The following PKD1L1 variants were observed in gnomAD, a reference collection of about 807,000 sequenced individuals.
PKD1L1 encodes the protein polycystin-1-like protein 1.
A neutral mutation model predicts 323.4 loss-of-function variants in PKD1L1; 236 were observed. That is an observed-to-expected ratio of 0.73 (90% CI 0.66 to 0.81). PKD1L1 has a LOEUF of 0.81. Among genes scored for constraint, PKD1L1 ranks in the 40% least tolerant of loss-of-function variants. The pLI is 0.00. For missense variants in PKD1L1, 3,320 were observed against 3,508.0 expected (o/e 0.95, Z 1.35); for synonymous variants, 1,344 against 1,335.0 (o/e 1.01, Z -0.15).
chr7:47,879,974 C>G (rs1002163494), intron 21 of PKD1L1, among the ~76,000 whole-genome samples: 1 of 150,844 alleles, frequency 6.6e-6, no homozygotes, highest in African/African-American at 2.4e-5. Flanking sequence ...GCCCACTGTG[C>G]TTGTCATATG....
intron 56 of PKD1L1, among the ~76,000 whole-genome samples, chr7:47,777,105 C>T (rs888125900): frequency 5.3e-5 from 8 of 152,086 alleles, no homozygotes; most frequent in Non-Finnish European, 8.8e-5. Flanking sequence ...TTGGCCAGGC[C>T]GGCCTGGAAA....
intron 26 of PKD1L1, among the ~76,000 whole-genome samples, chr7:47,859,393 C>A (rs1284311679): frequency 6.6e-6 from 1 of 152,138 alleles, no homozygotes; most frequent in Non-Finnish European, 1.5e-5. Context: ...GATTCCTCTA[C>A]CTGCAGTACC....
intron 21 of PKD1L1, among the ~76,000 whole-genome samples, chr7:47,880,288 T>TTTTTTTTTTTTTTC (rs1786521691): frequency 1.0e-5 from 1 of 95,336 alleles, no homozygotes; most frequent in Non-Finnish European, 2.0e-5. Context: ...ATATATATTT[T>TTTTTTTTTTTTTTC]TTTTTTTTTT....
At chr7:47,808,419 G>A (rs535230721) in intron 51 of PKD1L1, 32 bp from the exon 52 acceptor site, 3 of 1,612,158 alleles carry the variant, frequency 1.9e-6, no homozygotes, top group East Asian at 4.5e-5. Flanking sequence ...CCCTCAGATG[G>A]CTCCTGAGGA....
rs182219270 is a variant in PKD1L1, at chr7:47,830,736, T to A, written c.6473+481A>T. On this transcript the variant is annotated intron_variant, in intron 42 of 56. Transcript: ENST00000289672. ...AACCACACTGAGTGACCCTGGGGTC[T>A]CCGATGGCGAGTCCAAGCTGTACAG... 2.1e-4 allele frequency among the ~76,000 whole-genome samples: 32 copies of A among 152,290 alleles called. No homozygotes were observed. In the East Asian group the frequency reaches 6.0e-3, roughly 29 times the overall value.
At chr7:47,792,867 A>G (rs1403478704) in intron 55 of PKD1L1, 70 bp from the exon 56 acceptor site, 41 of 1,410,632 alleles carry the variant, frequency 2.9e-5, no homozygotes, top group Non-Finnish European at 3.8e-5. Flanking sequence ...TCATTATGTG[A>G]AGCATTTAGG....
rs112909560 is a variant in PKD1L1, at chr7:47,877,451, G to A, written c.3663+38C>T. 1.6e-3 allele frequency: 2,573 copies of A among 1,608,268 alleles called. 1 individual carries two copies. The highest frequency in any genetic ancestry group is 3.6e-3 in the African/African-American group (267 of 74,884). On this transcript the variant is annotated intron_variant, in intron 22 of 56. Coordinates refer to ENST00000289672, the MANE Select transcript of PKD1L1 (RefSeq NM_138295.5). The stretch of plus-strand genomic sequence containing the variant: ...GCTGTGACTGCCAGATGCCACTGTC[G>A]GGGGTCTCTCAGGACAGACATGGGG...
chr7:47,897,875 T>C, intron 14 of PKD1L1, 113 bp downstream of exon 14: 1 of 805,408 alleles, frequency 1.2e-6, no homozygotes, highest in East Asian at 2.8e-5. Flanking sequence ...TTAAACAACC[T>C]CCCTTTTCCT....
At position 47,808,332 on chromosome 7, in the gene PKD1L1, G is replaced by C. The variant is rs1483488142; in HGVS notation, c.7742C>G (p.Thr2581Ser). The C allele has an allele frequency of 6.2e-7, 1 of 1,614,158 alleles. No homozygotes were observed. Among genetic ancestry groups the C allele is most frequent in the South Asian group, 1.1e-5 (1 of 91,076 alleles). Residue 2581 changes from threonine to serine, a missense_variant, in exon 52 of 57, where the codon ACT (threonine) becomes AGT (serine). Transcript: ENST00000289672. ...CTGGTTAGTGACATCTCCAGCAAGA[G>C]TAACAAGGTGGCCGGAAACTGCATA... ...TYYAVSGHLV[T>S]LAGDVTNQFH...
chr7:47,947,231 G>C (rs2708873), intron 1 of PKD1L1, among the ~76,000 whole-genome samples: 70,584 of 152,118 alleles, frequency 0.46, 17,110 homozygotes, highest in Non-Finnish European at 0.52. Context: ...GGGTTTCTTT[G>C]ATAAAATGAT....
chr7:47,831,412 C>G (rs1046948608), intron 41 of PKD1L1, 60 bp from the exon 42 acceptor site: 1 of 1,557,156 alleles, frequency 6.4e-7, no homozygotes. Context: ...TCCATCCACG[C>G]GGAGTGTGGT....
At chr7:47,842,327 ACT>A (rs1275721179) in intron 34 of PKD1L1, among the ~76,000 whole-genome samples, 16 of 151,566 alleles carry the variant, frequency 1.1e-4, no homozygotes, top group African/African-American at 3.9e-4. Flanking sequence ...CTCCCATCTA[ACT>A]CTTTCTCATC....
chr7:47,873,832 G>T, intron 24 of PKD1L1, 67 bp downstream of exon 24: 1 of 1,241,424 alleles, frequency 8.1e-7, no homozygotes, highest in East Asian at 2.4e-5. Flanking sequence ...AACAACTTGG[G>T]GGAGAGCCAA....
Position 47,858,872 on chromosome 7 carries a change from C to T in PKD1L1, c.4163G>A (p.Ser1388Asn). The T allele has an allele frequency of 2.5e-6, 4 of 1,613,628 alleles. No homozygotes were observed. Among genetic ancestry groups the T allele is most frequent in the South Asian group, 1.1e-5 (1 of 91,050 alleles). The change falls in exon 27 of 57, where the codon AGT becomes AAT. Residue 1388 changes from serine (S) to asparagine (N), a missense_variant. Coordinates refer to ENST00000289672, the MANE Select transcript of PKD1L1 (RefSeq NM_138295.5). ...GGTGTACTTGAGGATGAGAACCGCA[C>T]TCATAAAGCCTAGCTGCATGAACAG... ...VSFSNKLGFM[S>N]AVLILKYTRA...
intron 4 of PKD1L1, among the ~76,000 whole-genome samples, chr7:47,932,893 G>A (rs1036412476): frequency 6.6e-6 from 1 of 152,220 alleles, no homozygotes; most frequent in Non-Finnish European, 1.5e-5. Flanking sequence ...TGCAGAAGAG[G>A]TGGTGGAGGC....
At chr7:47,930,575 G>A (rs1359246171) in intron 6 of PKD1L1, among the ~76,000 whole-genome samples, 1 of 150,556 alleles carries the variant, frequency 6.6e-6, no homozygotes, top group East Asian at 2.0e-4. Context: ...CCAGCACTTT[G>A]GGAGGCCGAG....
intron 22 of PKD1L1, 24 bp from the exon 23 acceptor site, chr7:47,876,241 A>T: frequency 6.2e-7 from 1 of 1,611,376 alleles, no homozygotes; most frequent in Non-Finnish European, 8.5e-7. Context: ...CAAGGGAGCA[A>T]AAATAGTATA....
chr7:47,923,005 T>A (rs1787584734), intron 7 of PKD1L1, among the ~76,000 whole-genome samples: 1 of 152,210 alleles, frequency 6.6e-6, no homozygotes, highest in African/African-American at 2.4e-5. Flanking sequence ...TCTTCTGCCT[T>A]GGGATGCTGT....
At chr7:47,826,134 A>G (rs1785236352) in intron 45 of PKD1L1, among the ~76,000 whole-genome samples, 1 of 152,040 alleles carries the variant, frequency 6.6e-6, no homozygotes, top group Non-Finnish European at 1.5e-5. Context: ...AACAACACCT[A>G]CAGGAGCTTG....
Sources: gnomAD v4.1 joint callset for allele counts (sites outside exome capture counted in the v4.1 genomes callset) on GRCh38, gnomAD v4.1.1 for gene constraint, MANE v1.5 for transcripts, NCBI Gene and HGNC (gene_info 2026-07-23, HGNC 2026-07-21) for gene names.